The following ATXN1 variants were observed in gnomAD, a reference collection of about 807,000 sequenced individuals.
The protein encoded by ATXN1 is ataxin-1.
Under a neutral mutation model 56.4 loss-of-function variants are expected in ATXN1, and 8 were observed. The ratio of observed to expected loss-of-function variants is 0.14; its 90% CI spans 0.08 to 0.26. The LOEUF is 0.26. Ranked by LOEUF, ATXN1 falls within the 10% of genes least tolerant of loss-of-function variation. The probability of loss-of-function intolerance (pLI) is 1.00; values close to 1 mark genes in which losing one functional copy is unlikely to be tolerated. For missense variants in ATXN1, 987 were observed against 1,106.5 expected, an observed-to-expected ratio of 0.89 and a Z score of 1.53; for synonymous variants, 514 against 494.6, an observed-to-expected ratio of 1.04 and a Z score of -0.52.
intron 2 of ATXN1, among the ~76,000 whole-genome samples, chr6:16,742,560 A>C (rs1157093220): frequency 6.6e-6 from 1 of 152,176 alleles, no homozygotes; most frequent in Admixed American, 6.6e-5. Flanking sequence ...CATACCTGTC[A>C]GAATCTCTTA....
intron 2 of ATXN1, among the ~76,000 whole-genome samples, chr6:16,660,496 T>C (rs987271881): frequency 6.6e-6 from 1 of 152,232 alleles, no homozygotes; most frequent in Non-Finnish European, 1.5e-5. Flanking sequence ...CTGGGAGTCA[T>C]GAAATATACT....
chr6:16,524,956 G>A (rs373968937), intron 4 of ATXN1, among the ~76,000 whole-genome samples: 14 of 152,170 alleles, frequency 9.2e-5, no homozygotes, highest in East Asian at 3.9e-4. Context: ...GGAAGCTGAG[G>A]CAGGAAAATT....
At chr6:16,471,873 C>CA in intron 6 of ATXN1, among the ~76,000 whole-genome samples, 2 of 152,310 alleles carry the variant, frequency 1.3e-5, no homozygotes, top group South Asian at 4.1e-4. Context: ...CACCATCTGT[C>CA]AGACCTTAGG....
intron 3 of ATXN1, 100 bp from the exon 4 acceptor site, chr6:16,586,007 A>C (rs966422405): frequency 6.6e-6 from 1 of 151,824 alleles, no homozygotes; most frequent in African/African-American, 2.4e-5. Flanking sequence ...CATATTGCAT[A>C]ATCTCTCACA....
At chr6:16,367,358 T>TCACA (rs1400353766) in intron 6 of ATXN1, among the ~76,000 whole-genome samples, 18 of 118,190 alleles carry the variant, frequency 1.5e-4, no homozygotes, top group African/African-American at 4.7e-4. Flanking sequence ...TCTCTCTCTC[T>TCACA]CTCTCACACA....
chr6:16,557,006 C>T (rs889982271), intron 4 of ATXN1, among the ~76,000 whole-genome samples: 7 of 151,938 alleles, frequency 4.6e-5, no homozygotes, highest in African/African-American at 1.7e-4. Context: ...TAGGGATAAA[C>T]TGAAGGAGGA....
At chr6:16,715,980 C>T (rs142023328) in intron 2 of ATXN1, among the ~76,000 whole-genome samples, 111 of 152,314 alleles carry the variant, frequency 7.3e-4, no homozygotes, top group African/African-American at 2.6e-3. Flanking sequence ...AATTCTCTAC[C>T]TGAAGAACTC....
In ATXN1 at chr6:16,760,739, C is replaced by A. The variant is rs1214020526; in HGVS notation, c.-730+559G>T. Among the ~76,000 whole-genome samples the A allele has an allele frequency of 6.6e-6, 1 of 151,338 alleles. No individual in the cohort carries two copies. The highest frequency in any genetic ancestry group is 1.5e-5 in the Non-Finnish European group (1 of 67,706). On this transcript the variant is annotated intron_variant, in intron 1 of 7. Transcript: ENST00000436367. This position sits in a 1 kb window ranked among gnomAD's most constrained non-coding sequence, Gnocchi z 5.3. The stretch of plus-strand genomic sequence containing the variant: ...GAGAAGTCCAGCCCTCCGTGAGACC[C>A]CCTCTCTCTCACCGCCCTCTCCGGG...
At chr6:16,672,354 C>T (rs1171050162) in intron 2 of ATXN1, among the ~76,000 whole-genome samples, 1 of 152,064 alleles carries the variant, frequency 6.6e-6, no homozygotes, top group Admixed American at 6.6e-5. Context: ...TTTTTAAAAA[C>T]CCATTTTTAT....
At chr6:16,501,211 C>T (rs1422229029) in intron 5 of ATXN1, among the ~76,000 whole-genome samples, 1 of 152,222 alleles carries the variant, frequency 6.6e-6, no homozygotes, top group African/African-American at 2.4e-5. Context: ...GGCCTAACAA[C>T]TTACTTTTCC....
intron 4 of ATXN1, among the ~76,000 whole-genome samples, chr6:16,561,052 T>C (rs1451254387): frequency 6.6e-6 from 1 of 152,166 alleles, no homozygotes; most frequent in Non-Finnish European, 1.5e-5. Flanking sequence ...AGAGAAACTA[T>C]TGAAAAATAA....
intron 6 of ATXN1, among the ~76,000 whole-genome samples, chr6:16,370,626 A>G (rs1455607146): frequency 6.6e-6 from 1 of 152,186 alleles, no homozygotes; most frequent in Non-Finnish European, 1.5e-5. Flanking sequence ...TATATCCACT[A>G]TTTACATTTT....
chr6:16,491,458 G>T (rs1414615618), intron 5 of ATXN1, among the ~76,000 whole-genome samples: 3 of 151,544 alleles, frequency 2.0e-5, no homozygotes, highest in African/African-American at 7.3e-5. Flanking sequence ...CTAATTTTTG[G>T]TATTTTTAGT....
At chr6:16,638,458 A>C (rs397833087) in intron 3 of ATXN1, among the ~76,000 whole-genome samples, 10 of 136,750 alleles carry the variant, frequency 7.3e-5, no homozygotes, top group East Asian at 2.7e-4. Context: ...AAAAAAAAAA[A>C]AAAAAAAAAA....
chr6:16,563,086 G>C (rs1442911747), intron 4 of ATXN1, among the ~76,000 whole-genome samples: 1 of 152,002 alleles, frequency 6.6e-6, no homozygotes, highest in East Asian at 1.9e-4. Flanking sequence ...CTGTGAGACA[G>C]GAGCAACGGA....
chr6:16,746,612 T>A (rs1262144767), intron 2 of ATXN1, among the ~76,000 whole-genome samples: 1 of 152,202 alleles, frequency 6.6e-6, no homozygotes, highest in Non-Finnish European at 1.5e-5. Flanking sequence ...CAGAAATGGA[T>A]GTTGTTTGGG....
chr6:16,341,514 AT>A (rs1180798356), intron 6 of ATXN1, among the ~76,000 whole-genome samples: 2,598 of 122,700 alleles, frequency 0.021, 31 homozygotes, highest in African/African-American at 0.067. Flanking sequence ...GGTATAGAGG[AT>A]TTTTTTTTTT....
intron 7 of ATXN1, among the ~76,000 whole-genome samples, chr6:16,312,942 A>G (rs1008768414): frequency 6.6e-6 from 1 of 152,154 alleles, no homozygotes; most frequent in African/African-American, 2.4e-5. Flanking sequence ...CAGTGGTACA[A>G]TCTCGGCTCA....
intron 6 of ATXN1, among the ~76,000 whole-genome samples, chr6:16,346,749 T>C (rs1761403771): frequency 6.6e-6 from 1 of 151,854 alleles, no homozygotes; most frequent in Non-Finnish European, 1.5e-5. Flanking sequence ...ACTTGCTCTC[T>C]GCGCCTCCTC....
Sources: gnomAD v4.1 joint callset for allele counts (sites outside exome capture counted in the v4.1 genomes callset) on GRCh38, gnomAD v4.1.1 for gene constraint, Gnocchi (gnomAD v3.1) non-coding constraint, MANE v1.5 for transcripts, NCBI Gene and HGNC (gene_info 2026-07-23, HGNC 2026-07-21) for gene names.